The following CDK19 variants were observed in gnomAD, a reference collection of about 807,000 sequenced individuals.
The protein encoded by CDK19 is cyclin dependent kinase 19.
A neutral mutation model predicts 68.3 loss-of-function variants in CDK19; 20 were observed. The ratio of observed to expected loss-of-function variants is 0.29; its 90% CI spans 0.21 to 0.43. The LOEUF (loss-of-function observed/expected upper bound fraction) is 0.43. Ranked by LOEUF, CDK19 falls within the 20% of genes least tolerant of loss-of-function variation. The pLI is 1.00. For synonymous variants in CDK19, 221 were observed against 222.8 expected, an observed-to-expected ratio of 0.99 and a Z score of 0.07; for missense variants, 339 against 623.5, an observed-to-expected ratio of 0.54 and a Z score of 4.86.
At chr6:110,694,114 C>T (rs1450216858) in intron 2 of CDK19, among the ~76,000 whole-genome samples, 18 of 148,532 alleles carry the variant, frequency 1.2e-4, no homozygotes, top group Admixed American at 9.4e-4. Flanking sequence ...CAACAACTAG[C>T]ATGATGAATG....
intron 3 of CDK19, among the ~76,000 whole-genome samples, chr6:110,669,777 T>C (rs1030033546): frequency 1.3e-5 from 2 of 152,232 alleles, no homozygotes; most frequent in Admixed American, 6.5e-5. Flanking sequence ...ATTAGAATTT[T>C]TTGCTTCTTT....
chr6:110,709,255 C>T (rs987557687), intron 2 of CDK19, among the ~76,000 whole-genome samples: 4 of 152,136 alleles, frequency 2.6e-5, no homozygotes, highest in African/African-American at 4.8e-5. Flanking sequence ...CTTTGAAAAC[C>T]GGCACAAGGC....
At chr6:110,651,651 T>C (rs1214719567) in intron 4 of CDK19, among the ~76,000 whole-genome samples, 2 of 152,196 alleles carry the variant, frequency 1.3e-5, no homozygotes, top group Non-Finnish European at 2.9e-5. Flanking sequence ...GAGGTTGACC[T>C]GAAATTTTTA....
At chr6:110,664,542 C>A (rs1475468717) in intron 4 of CDK19, among the ~76,000 whole-genome samples, 2 of 152,140 alleles carry the variant, frequency 1.3e-5, no homozygotes, top group Non-Finnish European at 2.9e-5. Flanking sequence ...AAAAAATGTT[C>A]ATTAAGGATA....
At chr6:110,736,255 C>T (rs751916770) in intron 2 of CDK19, among the ~76,000 whole-genome samples, 4 of 152,234 alleles carry the variant, frequency 2.6e-5, no homozygotes, top group Middle Eastern at 6.8e-3. Context: ...AGAGGAGAAT[C>T]GCTTGAATCC....
chr6:110,652,686 CTT>C (rs561748468), intron 4 of CDK19, among the ~76,000 whole-genome samples: 3 of 152,166 alleles, frequency 2.0e-5, no homozygotes, highest in East Asian at 1.9e-4. Context: ...TCAGCTATCT[CTT>C]GATAGAAGTT....
chr6:110,805,512 G>C (rs1027408512), intron 1 of CDK19, among the ~76,000 whole-genome samples: 4 of 150,034 alleles, frequency 2.7e-5, no homozygotes, highest in African/African-American at 1.0e-4. Context: ...ATACCTAAAG[G>C]GTTGGTTCTG....
At chr6:110,628,008 G>A (rs1442555785) in intron 6 of CDK19, among the ~76,000 whole-genome samples, 3 of 151,986 alleles carry the variant, frequency 2.0e-5, no homozygotes, top group East Asian at 1.9e-4. Context: ...TCAGGAGTTC[G>A]AGACCATCCT....
chr6:110,801,106 G>C (rs553457740), intron 1 of CDK19, among the ~76,000 whole-genome samples: 1 of 152,180 alleles, frequency 6.6e-6, no homozygotes, highest in South Asian at 2.1e-4. Flanking sequence ...ACAGTTTCAG[G>C]ATAAAAAATC....
At chr6:110,648,787 G>A (rs556931180) in intron 4 of CDK19, among the ~76,000 whole-genome samples, 75 of 151,796 alleles carry the variant, frequency 4.9e-4, no homozygotes, top group East Asian at 2.9e-3. Context: ...GCGCGATCTC[G>A]GCTCACTGCA....
intron 4 of CDK19, among the ~76,000 whole-genome samples, chr6:110,664,472 T>C (rs964700262): frequency 1.3e-5 from 2 of 152,214 alleles, no homozygotes; most frequent in Middle Eastern, 3.2e-3. Flanking sequence ...GAAGAAGGTG[T>C]TTGACATGGT....
intron 2 of CDK19, among the ~76,000 whole-genome samples, chr6:110,735,758 T>C (rs1461226358): frequency 6.6e-6 from 1 of 152,212 alleles, no homozygotes; most frequent in East Asian, 1.9e-4. Context: ...AGTTTATATA[T>C]AGTATATATC....
At chr6:110,713,195 CAAAA>C (rs552100163) in intron 2 of CDK19, among the ~76,000 whole-genome samples, 1 of 50,052 alleles carries the variant, frequency 2.0e-5, no homozygotes, top group Admixed American at 2.2e-4. Context: ...GATCCCATCT[CAAAA>C]AAAAAAAAAA....
intron 1 of CDK19, among the ~76,000 whole-genome samples, chr6:110,811,327 ATTAAG>A (rs1460198435): frequency 3.9e-5 from 6 of 152,262 alleles, no homozygotes; most frequent in Non-Finnish European, 7.3e-5. Context: ...CATGACATAC[ATTAAG>A]TTATGTAGTC....
chr6:110,623,129 T>C (rs1277502454), intron 9 of CDK19, among the ~76,000 whole-genome samples, 161 bp downstream of exon 9: 2 of 152,182 alleles, frequency 1.3e-5, no homozygotes, highest in African/African-American at 4.8e-5. Flanking sequence ...TCATTTAAAG[T>C]GAAGGCTGAA....
At chr6:110,793,471 C>G (rs1562293303) in intron 1 of CDK19, among the ~76,000 whole-genome samples, 1 of 152,126 alleles carries the variant, frequency 6.6e-6, no homozygotes, top group Non-Finnish European at 1.5e-5. Context: ...TGAAAGTCAA[C>G]AAAATGTGTT....
At chr6:110,747,834 C>A (rs1347227415) in intron 1 of CDK19, among the ~76,000 whole-genome samples, 4 of 152,150 alleles carry the variant, frequency 2.6e-5, no homozygotes, top group Non-Finnish European at 4.4e-5. Context: ...TCAGACCACT[C>A]AGAAGCCATT....
In CDK19 at chr6:110,774,722, G is replaced by A. The variant is rs115327571; in HGVS notation, c.129-28521C>T. Among the ~76,000 whole-genome samples, 713 of 152,304 alleles carry A rather than the reference G, an allele frequency of 4.7e-3. 5 individuals are homozygous for A. Among genetic ancestry groups the A allele is most frequent in the African/African-American group, 0.016 (666 of 41,570 alleles). ...CCCATCACTTTGGGAAGCCAAGGCC[G>A]GTGGATTGCTTGTGCTCAGGAGTTC... On this transcript the variant is annotated intron_variant, in intron 1 of 12. Transcript: ENST00000368911.
At chr6:110,761,250 C>A (rs1177359380) in intron 1 of CDK19, among the ~76,000 whole-genome samples, 1 of 152,126 alleles carries the variant, frequency 6.6e-6, no homozygotes, top group Non-Finnish European at 1.5e-5. Flanking sequence ...GCCCAGCACA[C>A]AATCTGTGAT....
Sources: allele counts gnomAD v4.1 joint callset (sites outside exome capture counted in the v4.1 genomes callset), GRCh38; gene constraint gnomAD v4.1.1; transcripts MANE v1.5; gene names NCBI Gene and HGNC (gene_info 2026-07-23, HGNC 2026-07-21).